The following SRGAP1 variants were observed in gnomAD, a reference collection of about 807,000 sequenced individuals.
SRGAP1 encodes the protein SLIT-ROBO Rho GTPase-activating protein 1.
Under a neutral mutation model 121.9 loss-of-function variants are expected in SRGAP1, and 43 were observed. That is an observed-to-expected ratio of 0.35 (90% CI 0.28 to 0.46). SRGAP1 has a LOEUF of 0.46. SRGAP1 is among the 20% of genes least tolerant of loss of function. SRGAP1 has a pLI of 1.00. For missense variants in SRGAP1, 1,102 were observed against 1,350.9 expected, an observed-to-expected ratio of 0.82 and a Z score of 2.89; for synonymous variants, 447 against 485.4, an observed-to-expected ratio of 0.92 and a Z score of 1.04.
intron 1 of SRGAP1, among the ~76,000 whole-genome samples, chr12:63,848,026 A>ATAT (rs1266035796): frequency 6.7e-6 from 1 of 148,582 alleles, no homozygotes; most frequent in African/African-American, 2.5e-5. Flanking sequence ...TATATATATA[A>ATAT]AAGGAGTATC....
At position 64,159,101 on chromosome 12, in the gene SRGAP1, T is replaced by G. The variant is rs1287750386; in HGVS notation, c.*16429T>G. 6.6e-6 allele frequency: 1 copy of G among 152,306 alleles called. No individual in the cohort carries two copies. Among genetic ancestry groups the G allele is most frequent in the Non-Finnish European group, 1.5e-5 (1 of 68,378 alleles). The allele number at this position is 152,306 out of a possible 1,614,324, so 9.4% of individuals were successfully genotyped here. ...TTGGGAGGCTAAGTGGGAGGATCGC[T>G]TGAGCCTAGGAGTTCAAGACCAGCC... On this transcript the variant is annotated 3_prime_UTR_variant, in exon 22 of 22. Coordinates refer to ENST00000355086, the MANE Select transcript of SRGAP1 (RefSeq NM_020762.4).
chr12:63,923,853 A>G (rs1246613708), intron 1 of SRGAP1, among the ~76,000 whole-genome samples: 2 of 152,218 alleles, frequency 1.3e-5, no homozygotes, highest in South Asian at 2.1e-4. Flanking sequence ...ACAAAAAGGT[A>G]TGAGCTCAGC....
intron 1 of SRGAP1, among the ~76,000 whole-genome samples, chr12:63,936,990 T>C (rs1043607351): frequency 3.9e-5 from 6 of 152,216 alleles, no homozygotes; most frequent in Non-Finnish European, 5.9e-5. Flanking sequence ...TGGAGAGATG[T>C]GGTACTTAAT....
intron 15 of SRGAP1, among the ~76,000 whole-genome samples, chr12:64,099,589 G>A (rs560190669): frequency 1.4e-4 from 21 of 152,242 alleles, no homozygotes; most frequent in African/African-American, 4.3e-4. Context: ...ACAGCTGCAC[G>A]TCCATTCCAC....
intron 1 of SRGAP1, among the ~76,000 whole-genome samples, chr12:63,875,838 G>T (rs1028167572): frequency 1.3e-5 from 2 of 152,110 alleles, no homozygotes; most frequent in Non-Finnish European, 2.9e-5. Context: ...TTGCCAAGAC[G>T]GGCTGATCAC....
At chr12:63,926,923 C>T (rs911021850) in intron 1 of SRGAP1, among the ~76,000 whole-genome samples, 4 of 151,950 alleles carry the variant, frequency 2.6e-5, no homozygotes, top group African/African-American at 7.3e-5. Context: ...TATGAGTTGT[C>T]GATAATATTG....
At chr12:63,866,119 T>C (rs1899621886) in intron 1 of SRGAP1, among the ~76,000 whole-genome samples, 1 of 152,204 alleles carries the variant, frequency 6.6e-6, no homozygotes, top group Admixed American at 6.5e-5. Context: ...AGCTTTCCAA[T>C]ATGCTTCAAA....
chr12:64,057,634 T>C (rs1052736691), intron 6 of SRGAP1, among the ~76,000 whole-genome samples: 2 of 152,142 alleles, frequency 1.3e-5, no homozygotes, highest in African/African-American at 2.4e-5. Context: ...CTATACCCAA[T>C]ATCCATGGCT....
At chr12:63,990,183 C>A in intron 3 of SRGAP1, 111 bp downstream of exon 3, 1 of 832,434 alleles carries the variant, frequency 1.2e-6, no homozygotes, top group Non-Finnish European at 1.9e-6. Context: ...CCTTTAGAGA[C>A]ACAGAATAAA....
chr12:63,981,308 AGATTTGT>A (rs1387560836), intron 1 of SRGAP1, among the ~76,000 whole-genome samples: 1 of 152,156 alleles, frequency 6.6e-6, no homozygotes, highest in African/African-American at 2.4e-5. Flanking sequence ...ATTAGATTTG[AGATTTGT>A]ACTTTTATCT....
chr12:64,097,165 T>C (rs2036170645), intron 14 of SRGAP1, 76 bp from the exon 15 acceptor site: 2 of 1,430,214 alleles, frequency 1.4e-6, no homozygotes, highest in South Asian at 2.7e-5. Context: ...TAGCAACGTG[T>C]ATGTTCATAG....
chr12:63,952,355 AT>A (rs1379804698), intron 1 of SRGAP1, among the ~76,000 whole-genome samples: 1 of 151,774 alleles, frequency 6.6e-6, no homozygotes, highest in Non-Finnish European at 1.5e-5. Flanking sequence ...CTACAAAAAA[AT>A]TTTTTTTTAA....
At chr12:63,936,203 G>A (rs1304975021) in intron 1 of SRGAP1, among the ~76,000 whole-genome samples, 2 of 152,168 alleles carry the variant, frequency 1.3e-5, no homozygotes, top group African/African-American at 4.8e-5. Context: ...CAGAGGATTG[G>A]GCTTGGGTAG....
intron 18 of SRGAP1, among the ~76,000 whole-genome samples, chr12:64,119,416 CA>C (rs997509047): frequency 6.6e-6 from 1 of 152,138 alleles, no homozygotes; most frequent in African/African-American, 2.4e-5. Context: ...CTCTAAAGCC[CA>C]ACTGGAGTTT....
intron 8 of SRGAP1, among the ~76,000 whole-genome samples, chr12:64,071,870 AC>A (rs1286235144): frequency 1.7e-4 from 21 of 125,766 alleles, no homozygotes; most frequent in South Asian, 1.4e-3. Flanking sequence ...CCCTACCCTC[AC>A]CCCCCCCCAA....
chr12:63,989,683 G>C (rs899549747), intron 2 of SRGAP1, among the ~76,000 whole-genome samples: 1 of 152,236 alleles, frequency 6.6e-6, no homozygotes, highest in African/African-American at 2.4e-5. Context: ...AGTGTTCATG[G>C]TCCAAGTTTT....
intron 8 of SRGAP1, 64 bp downstream of exon 8, chr12:64,065,283 C>T: frequency 3.8e-6 from 5 of 1,329,768 alleles, no homozygotes; most frequent in Non-Finnish European, 5.3e-6. Flanking sequence ...AAGACATTCT[C>T]ACATGACTTG....
At chr12:63,882,380 C>G (rs1398487367) in intron 1 of SRGAP1, among the ~76,000 whole-genome samples, 1 of 152,122 alleles carries the variant, frequency 6.6e-6, no homozygotes, top group Non-Finnish European at 1.5e-5. Flanking sequence ...CTCCTGGGTT[C>G]AAGCAATTCT....
rs186384686 is a variant in SRGAP1 at position 64,001,271 on chromosome 12, A to G, written c.426+11199A>G. 3.3e-5 allele frequency among the ~76,000 whole-genome samples: 5 copies of G among 152,360 alleles called. No homozygotes were observed. In the East Asian group the frequency reaches 7.7e-4, roughly 23 times the overall value. ...TCTAGATACAACCAAGTTGTTATTC[A>G]TTTTAAAAAGCAACTGAAGAGCAAT... On this transcript the variant is annotated intron_variant, in intron 3 of 21. Transcript: ENST00000355086.
Sources: allele counts gnomAD v4.1 joint callset (sites outside exome capture counted in the v4.1 genomes callset), GRCh38; gene constraint gnomAD v4.1.1; transcripts MANE v1.5; gene names NCBI Gene and HGNC (gene_info 2026-07-23, HGNC 2026-07-21).